MSH6: variants seen among roughly 807,000 people sequenced by gnomAD.
The protein encoded by MSH6 is DNA mismatch repair protein Msh6.
In MSH6, 85 loss-of-function variants were observed where a neutral mutation model predicts 119.1. The observed-to-expected ratio is 0.71, with a 90% CI of 0.60 to 0.85. The LOEUF (loss-of-function observed/expected upper bound fraction) is 0.85. Among genes scored for constraint, MSH6 ranks in the 40% least tolerant of loss-of-function variants. The pLI is 0.00. For synonymous variants in MSH6, 830 were observed against 586.9 expected, an observed-to-expected ratio of 1.41 and a Z score of -5.99; for missense variants, 2,163 against 1,655.3, an observed-to-expected ratio of 1.31 and a Z score of -5.32.
rs1475759670 is a variant in MSH6 at position 47,796,031 on chromosome 2, C to A, written c.595C>A (p.Pro199Thr). Residue 199 changes from proline to threonine, a missense_variant, in exon 3 of 10, where the codon CCC (proline) becomes ACC (threonine). Physicochemically the swap from Pro to Thr is conservative, Grantham distance 38. Transcript: ENST00000234420. ...GCTTGAATTGGCAGTTTGTGATGAGCCCTCAGAGCCAGAAGAGGAAGAAGA... is the reference window on the plus strand; with the variant it reads ...GCTTGAATTGGCAGTTTGTGATGAGACCTCAGAGCCAGAAGAGGAAGAAGA... ...KRLELAVCDE[P>T]SEPEEEEEME... 1 of 1,613,884 alleles carries A rather than the reference C, an allele frequency of 6.2e-7. No individual in the cohort carries two copies. Among genetic ancestry groups the A allele is most frequent in the Non-Finnish European group, 8.5e-7 (1 of 1,180,000 alleles).
intron 6 of MSH6, among the ~76,000 whole-genome samples, chr2:47,805,262 C>T (rs1473068187): frequency 6.6e-6 from 1 of 151,804 alleles, no homozygotes; most frequent in African/African-American, 2.4e-5. Context: ...CTCACTGCAA[C>T]CTCTGCTTCC....
At position 47,798,882 on chromosome 2, in the gene MSH6, G is replaced by A. The variant is rs55760494; in HGVS notation, c.899G>A (p.Arg300Gln). 2.1e-5 allele frequency: 34 copies of A among 1,614,060 alleles called. No homozygotes were observed. Among genetic ancestry groups the A allele is most frequent in the South Asian group, 5.5e-5 (5 of 91,090 alleles). ...AGCCCTGTCAAAGTTGCTCGAAAGC[G>A]GAAGAGAATGGTGACTGGAAATGGC... The part of the protein sequence containing the change: ...LNSPVKVARK[R>Q]KRMVTGNGSL... The change falls in exon 4 of 10, where the codon CGG becomes CAG. Residue 300 changes from arginine to glutamine, a missense_variant. Arg to Gln is a conservative substitution (Grantham distance 43). Coordinates refer to ENST00000234420, the MANE Select transcript of MSH6 (RefSeq NM_000179.3).
Position 47,806,353 on chromosome 2 carries a change from C to G in MSH6, c.3796C>G (p.His1266Asp), listed in dbSNP as rs972387746. The change falls in exon 8 of 10, where the codon CAT (histidine) becomes GAT (aspartate). Residue 1266 changes from histidine to aspartate, a missense_variant. Transcript: ENST00000234420. ...TCAAAATGTTGCTGTGCGCCTAGGA[C>G]ATATGGTATGTGCAAATTGTTTTTT... ...YSQNVAVRLG[H>D]MACMVENECE... The G allele has an allele frequency of 1.2e-6, 2 of 1,614,090 alleles. No homozygotes were observed. The highest frequency in any genetic ancestry group is 1.7e-6 in the Non-Finnish European group (2 of 1,179,994).
chr2:47,798,876 G>A lies in MSH6; in HGVS notation c.893G>A (p.Arg298Gln), dbSNP rs765237563. The change falls in exon 4 of 10, where the codon CGA (arginine) becomes CAA (glutamine). Residue 298 changes from arginine to glutamine, a missense_variant. By Grantham distance (43) the Arg-to-Gln change is conservative (BLOSUM62 1). Transcript: ENST00000234420. ...EGLNSPVKVA[R>Q]KRKRMVTGNG... Reference sequence around the variant, plus strand: ...CTGAACAGCCCTGTCAAAGTTGCTCGAAAGCGGAAGAGAATGGTGACTGGA... The same window carrying A: ...CTGAACAGCCCTGTCAAAGTTGCTCAAAAGCGGAAGAGAATGGTGACTGGA... 2.9e-5 allele frequency: 47 copies of A among 1,614,156 alleles called. No homozygotes were observed. Among genetic ancestry groups the A allele is most frequent in the Non-Finnish European group, 3.7e-5 (44 of 1,180,030 alleles).
At chr2:47,790,237 C>G (rs1344323976) in intron 1 of MSH6, among the ~76,000 whole-genome samples, 2 of 152,174 alleles carry the variant, frequency 1.3e-5, no homozygotes, top group Non-Finnish European at 2.9e-5. Context: ...GCCTGGCCAA[C>G]ATGGCAAAAC....
chr2:47,799,549 G>C lies in MSH6; in HGVS notation c.1566G>C (p.Gln522His), dbSNP rs776567082. The change falls in exon 4 of 10, where the codon CAG (glutamine) becomes CAC (histidine). Residue 522 changes from glutamine to histidine, a missense_variant. Coordinates refer to ENST00000234420, the MANE Select transcript of MSH6 (RefSeq NM_000179.3). The stretch of plus-strand genomic sequence containing the variant: ...GTAGGATCATTACCAAGGGTACACA[G>C]ACTTACAGTGTGCTGGAAGGTGATC... Reference protein sequence around the residue: ...EICRIITKGTQTYSVLEGDPS... With the variant: ...EICRIITKGTHTYSVLEGDPS... 1 of 1,614,208 alleles carries C rather than the reference G, an allele frequency of 6.2e-7. No homozygotes were observed. The highest frequency in any genetic ancestry group is 8.5e-7 in the Non-Finnish European group (1 of 1,180,032).
intron 6 of MSH6, 64 bp downstream of exon 6, chr2:47,805,091 C>G (rs587779270): frequency 4.5e-6 from 5 of 1,118,058 alleles, no homozygotes; most frequent in Non-Finnish European, 2.7e-6. Flanking sequence ...AAGATATTTG[C>G]TTCTTGTATA....
chr2:47,809,793 T>G (rs75113927), downstream of MSH6: 1,513 of 823,946 alleles, frequency 1.8e-3, 25 homozygotes, highest in African/African-American at 0.023. Flanking sequence ...GTAAACTGCT[T>G]CTTTTATAGA....
rs761033647 is a variant in MSH6, at chr2:47,783,408, C to A, written c.175C>A (p.Pro59Thr). ...GAGCGAGGCTGGGCCTGGGCCCAGG[C>A]CCTTGGCGCGCTCCGCGTCACCGCC... ...AWSEAGPGPR[P>T]LARSASPPKA... Residue 59 changes from proline to threonine, a missense_variant, in exon 1 of 10, where the codon CCC becomes ACC. Coordinates refer to ENST00000234420, the MANE Select transcript of MSH6 (RefSeq NM_000179.3). The A allele has an allele frequency of 6.5e-7, 1 of 1,530,904 alleles. No individual in the cohort carries two copies. Among genetic ancestry groups the A allele is most frequent in the Non-Finnish European group, 8.8e-7 (1 of 1,141,778 alleles). 94.8% of individuals were successfully genotyped at this position (1,530,904 alleles called of 1,614,324 possible). A position where few individuals can be genotyped will look rare whatever the true frequency, so the allele number is the denominator to read the frequency against.
chr2:47,800,061 A>G lies in MSH6; in HGVS notation c.2078A>G (p.Lys693Arg). 6.2e-7 allele frequency: 1 copy of G among 1,614,170 alleles called. No homozygotes were observed. Among genetic ancestry groups the G allele is most frequent in the Non-Finnish European group, 8.5e-7 (1 of 1,180,032 alleles). The change falls in exon 4 of 10, where the codon AAA becomes AGA. Residue 693 changes from lysine (K) to arginine (R), a missense_variant. Physicochemically the swap from Lys to Arg is conservative, Grantham distance 26 (BLOSUM62 2). Coordinates refer to ENST00000234420, the MANE Select transcript of MSH6 (RefSeq NM_000179.3). ...ALGGCVFYLK[K>R]CLIDQELLSM... ...GGTGGTTGTGTCTTCTACCTCAAAA[A>G]ATGCCTTATTGATCAGGAGCTTTTA...
At chr2:47,789,716 A>T (rs955443183) in intron 1 of MSH6, among the ~76,000 whole-genome samples, 1 of 152,334 alleles carries the variant, frequency 6.6e-6, no homozygotes, top group Middle Eastern at 3.4e-3. Flanking sequence ...ATTTGCATAT[A>T]ACCTATACAC....
chr2:47,807,694 GA>G (rs1670320908), downstream of MSH6: 3 of 231,362 alleles, frequency 1.3e-5, no homozygotes, highest in East Asian at 1.9e-4. Flanking sequence ...AAGGAACGCA[GA>G]AGTGCTAGCT....
At chr2:47,803,754 T>A (rs2104489040) in intron 5 of MSH6, 69 bp downstream of exon 5, 3 of 1,584,146 alleles carry the variant, frequency 1.9e-6, no homozygotes, top group Non-Finnish European at 2.6e-6. Context: ...ACTTAGGTGA[T>A]CATTTTCCAA....
downstream of MSH6, chr2:47,807,006 C>T (rs745980940): frequency 2.8e-5 from 19 of 687,366 alleles, no homozygotes; most frequent in Non-Finnish European, 4.1e-5. Context: ...TCTTATCTAC[C>T]TTCTACATAA....
chr2:47,806,170 G>A (rs1558391731), intron 7 of MSH6, 34 bp from the exon 8 acceptor site: 1 of 1,600,768 alleles, frequency 6.2e-7, no homozygotes, highest in Non-Finnish European at 8.6e-7. Flanking sequence ...TAATTCCTTT[G>A]AGTTACTTCC....
chr2:47,797,971 A>AC (rs753319142), intron 3 of MSH6: 46 of 203,282 alleles, frequency 2.3e-4, no homozygotes, highest in Non-Finnish European at 4.2e-4. Flanking sequence ...GAGTCGACTT[A>AC]CCCCCCATAC....
In MSH6 at chr2:47,803,508, C is replaced by G. The variant is rs370226185; in HGVS notation, c.3261C>G (p.Pro1087=). ...PVILLPEDTP[P]FLELKGSRHP... Reference sequence around the variant, plus strand: ...TTCTGTTGCCGGAAGATACCCCCCCCTTCTTAGAGCTTAAAGGATCACGCC... The same window carrying G: ...TTCTGTTGCCGGAAGATACCCCCCCGTTCTTAGAGCTTAAAGGATCACGCC... The change falls in exon 5 of 10, where the codon CCC becomes CCG. Residue 1087 remains proline, a synonymous_variant. Coordinates refer to ENST00000234420, the MANE Select transcript of MSH6 (RefSeq NM_000179.3). 4 of 1,614,140 alleles carry G rather than the reference C, an allele frequency of 2.5e-6. No homozygotes were observed. The highest frequency in any genetic ancestry group is 1.6e-4 in the Middle Eastern group (1 of 6,062).
chr2:47,786,748 G>C (rs1353764949), intron 1 of MSH6, among the ~76,000 whole-genome samples: 7 of 151,460 alleles, frequency 4.6e-5, no homozygotes, highest in Admixed American at 2.6e-4. Context: ...TTTGTCATTT[G>C]TGTGTGATAT....
intron 7 of MSH6, 94 bp from the exon 8 acceptor site, chr2:47,806,110 C>G: frequency 8.3e-7 from 1 of 1,212,002 alleles, no homozygotes; most frequent in East Asian, 2.4e-5. Flanking sequence ...ATGTACTAAC[C>G]GATGTTGCTT....
Sources: gnomAD v4.1 joint callset for allele counts (sites outside exome capture counted in the v4.1 genomes callset) on GRCh38, gnomAD v4.1.1 for gene constraint, MANE v1.5 for transcripts, NCBI Gene and HGNC (gene_info 2026-07-23, HGNC 2026-07-21) for gene names.